The following DNAJC16 variants were observed in gnomAD, a reference collection of about 807,000 sequenced individuals.
DNAJC16 encodes the protein DnaJ heat shock protein family (Hsp40) member C16.
Under a neutral mutation model 92.7 loss-of-function variants are expected in DNAJC16, and 76 were observed. That is an observed-to-expected ratio of 0.82 (90% CI 0.68 to 0.99). The LOEUF (loss-of-function observed/expected upper bound fraction) is 0.99, where lower values mean the gene tolerates loss of function less well. Ranked by LOEUF, DNAJC16 falls within the 50% of genes least tolerant of loss-of-function variation. DNAJC16 has a pLI of 0.00. For missense variants in DNAJC16, 869 were observed against 942.4 expected, an observed-to-expected ratio of 0.92 and a Z score of 1.02; for synonymous variants, 328 against 358.7, an observed-to-expected ratio of 0.91 and a Z score of 0.97.
chr1:15,554,986 T>C lies in DNAJC16; in HGVS notation c.1024-4540T>C, dbSNP rs572707766. 2.6e-5 allele frequency among the ~76,000 whole-genome samples: 4 copies of C among 152,226 alleles called. No individual in the cohort carries two copies. In the East Asian group the frequency reaches 5.8e-4, roughly 22 times the overall value. ...TAATTTTCTCTGGAAAGAACATTTT[T>C]TTCAACTTATTTCTAGGTGCCTCCT... On this transcript the variant is annotated intron_variant, in intron 7 of 14. Coordinates refer to ENST00000375847, the MANE Select transcript of DNAJC16 (RefSeq NM_015291.4).
Position 15,534,252 on chromosome 1 carries a change from C to T in DNAJC16, c.183C>T (p.Asn61=), listed in dbSNP as rs775850885. ...TGTGTTTCAGGCATCCTGACAAAAA[C>T]AAAGATCCTGGAGCAGAAGACAAGT... ...KLAREWHPDK[N]KDPGAEDKFI... Residue 61 remains asparagine (N), a synonymous_variant, in exon 3 of 15, where the codon AAC becomes AAT. Coordinates refer to ENST00000375847, the MANE Select transcript of DNAJC16 (RefSeq NM_015291.4). 3.7e-6 allele frequency: 6 copies of T among 1,613,972 alleles called. No individual in the cohort carries two copies. The East Asian group carries it at 1.1e-4, about 30-fold the overall frequency.
rs1220212977 is a variant in DNAJC16, at chr1:15,568,752, C to T, written c.*575C>T. 1.3e-5 allele frequency: 5 copies of T among 398,656 alleles called. No homozygotes were observed. The highest frequency in any genetic ancestry group is 2.1e-5 in the African/African-American group (1 of 48,638). 24.7% of individuals were successfully genotyped at this position (398,656 alleles called of 1,614,324 possible). On this transcript the variant is annotated 3_prime_UTR_variant, in exon 15 of 15. Coordinates refer to ENST00000375847, the MANE Select transcript of DNAJC16 (RefSeq NM_015291.4). The stretch of plus-strand genomic sequence containing the variant: ...CTAAATGTATATTTTGGGGGTATCC[C>T]CCAACAACAGTTTGTTGGCCACAGG...
At chr1:15,546,912 T>TTTA in intron 6 of DNAJC16, 41 bp downstream of exon 6, 2 of 1,350,718 alleles carry the variant, frequency 1.5e-6, no homozygotes, top group Non-Finnish European at 2.0e-6. Context: ...TTTCTTTTCT[T>TTTA]TTCTTTTTTT....
chr1:15,542,328 A>G (rs1425465264), intron 4 of DNAJC16: 1 of 152,082 alleles, frequency 6.6e-6, no homozygotes, highest in Non-Finnish European at 1.5e-5. Flanking sequence ...ATGAACATAT[A>G]TATATATTTA....
At chr1:15,565,262 C>A (rs934448259) in intron 11 of DNAJC16, 1 of 152,690 alleles carries the variant, frequency 6.5e-6, no homozygotes, top group Non-Finnish European at 1.5e-5. Flanking sequence ...GTGCCCAGCA[C>A]AGGGCCTGAC....
In DNAJC16 at chr1:15,562,877, C is replaced by T. The variant is rs1557587591; in HGVS notation, c.1338+552C>T. Among the ~76,000 whole-genome samples, 7 of 150,808 alleles carry T rather than the reference C, an allele frequency of 4.6e-5. No individual in the cohort carries two copies. The South Asian group carries it at 1.1e-3, about 23-fold the overall frequency. Reference sequence around the variant, plus strand: ...AGAAACCATGTTTTCTATCAGTGAACGGTAAAGGTCATCAGTGCTTTTCAC... The same window carrying T: ...AGAAACCATGTTTTCTATCAGTGAATGGTAAAGGTCATCAGTGCTTTTCAC... On this transcript the variant is annotated intron_variant, in intron 9 of 14. Coordinates refer to ENST00000375847, the MANE Select transcript of DNAJC16 (RefSeq NM_015291.4).
At chr1:15,531,428 T>C (rs1266613958) in intron 2 of DNAJC16, among the ~76,000 whole-genome samples, 1 of 152,266 alleles carries the variant, frequency 6.6e-6, no homozygotes. Context: ...AGGGACTCTT[T>C]ATACCAAGGT....
intron 13 of DNAJC16, chr1:15,566,475 A>G: frequency 2.6e-6 from 1 of 377,678 alleles, no homozygotes; most frequent in Non-Finnish European, 4.9e-6. Context: ...GAACGTAACC[A>G]GTCTTGTGCG....
chr1:15,538,407 T>C (rs913126508), intron 4 of DNAJC16, among the ~76,000 whole-genome samples: 1 of 142,798 alleles, frequency 7.0e-6, no homozygotes, highest in Non-Finnish European at 1.5e-5. Context: ...GAAAAAAAAA[T>C]AAAAAGAAAA....
intron 7 of DNAJC16, among the ~76,000 whole-genome samples, chr1:15,557,139 T>TAGAA (rs1638587108): frequency 6.6e-6 from 1 of 152,244 alleles, no homozygotes; most frequent in Non-Finnish European, 1.5e-5. Flanking sequence ...GAGATTGACT[T>TAGAA]CTAACTTTTC....
intron 1 of DNAJC16, among the ~76,000 whole-genome samples, 161 bp from the exon 2 acceptor site, chr1:15,528,927 G>A (rs1277937677): frequency 6.6e-6 from 1 of 152,130 alleles, no homozygotes. Context: ...AAGCAGTAGC[G>A]AGATTTTTAT....
Position 15,536,767 on chromosome 1 carries a change from A to T in DNAJC16, c.527A>T (p.His176Leu), listed in dbSNP as rs775593045. Reference sequence around the variant, plus strand: ...TCCGATTGGTGCTTTAGCTGCATTCATATCGAGCCTGTGTGGAAAGAAGTC... The same window carrying T: ...TCCGATTGGTGCTTTAGCTGCATTCTTATCGAGCCTGTGTGGAAAGAAGTC... Reference protein sequence around the residue: ...ITSDWCFSCIHIEPVWKEVIQ... With the variant: ...ITSDWCFSCILIEPVWKEVIQ... Residue 176 changes from histidine to leucine, a missense_variant, in exon 4 of 15, where the codon CAT becomes CTT. Transcript: ENST00000375847. The T allele has an allele frequency of 3.7e-6, 6 of 1,612,526 alleles. No homozygotes were observed. The African/African-American group carries it at 8.0e-5, about 22-fold the overall frequency.
intron 7 of DNAJC16, among the ~76,000 whole-genome samples, chr1:15,555,490 C>G (rs545415866): frequency 2.0e-5 from 3 of 151,492 alleles, no homozygotes; most frequent in African/African-American, 7.3e-5. Flanking sequence ...CGAGACCAGC[C>G]TGGCCAACAT....
chr1:15,529,801 G>A (rs1486938567), intron 2 of DNAJC16, among the ~76,000 whole-genome samples: 1 of 151,940 alleles, frequency 6.6e-6, no homozygotes, highest in Non-Finnish European at 1.5e-5. Context: ...AGGATCCCCA[G>A]AAATACCAAA....
At chr1:15,559,719 T>A in intron 8 of DNAJC16, 63 bp downstream of exon 8, 1 of 1,585,104 alleles carries the variant, frequency 6.3e-7, no homozygotes, top group Non-Finnish European at 8.6e-7. Flanking sequence ...TTCATTTTAC[T>A]ATAGGGTGAC....
chr1:15,541,843 A>T (rs1444814663), intron 4 of DNAJC16, among the ~76,000 whole-genome samples: 1 of 152,198 alleles, frequency 6.6e-6, no homozygotes, highest in African/African-American at 2.4e-5. Flanking sequence ...AGTTCCTGGC[A>T]CAGATCTCCT....
intron 6 of DNAJC16, among the ~76,000 whole-genome samples, chr1:15,547,175 C>T (rs547368457): frequency 3.4e-5 from 5 of 148,304 alleles, no homozygotes; most frequent in African/African-American, 7.5e-5. Context: ...GACAGAGTCT[C>T]GCTCTGTCGC....
chr1:15,535,520 G>A (rs1214966583), intron 3 of DNAJC16, among the ~76,000 whole-genome samples: 1 of 152,194 alleles, frequency 6.6e-6, no homozygotes, highest in African/African-American at 2.4e-5. Context: ...GGAGGCTGAG[G>A]CATGCAGATC....
chr1:15,552,173 G>A (rs536409083), intron 7 of DNAJC16, among the ~76,000 whole-genome samples: 6 of 151,534 alleles, frequency 4.0e-5, no homozygotes, highest in South Asian at 2.1e-4. Context: ...CACCCAGCCC[G>A]TTCTTTTTTT....
Sources: gnomAD v4.1 joint callset for allele counts (sites outside exome capture counted in the v4.1 genomes callset) on GRCh38, gnomAD v4.1.1 for gene constraint, MANE v1.5 for transcripts, NCBI Gene and HGNC (gene_info 2026-07-23, HGNC 2026-07-21) for gene names.